HECW2: variants seen among roughly 807,000 people sequenced by gnomAD.
The protein encoded by HECW2 is E3 ubiquitin-protein ligase HECW2.
Under a neutral mutation model 175.2 loss-of-function variants are expected in HECW2, and 61 were observed. The ratio of observed to expected loss-of-function variants is 0.35; its 90% CI spans 0.28 to 0.43. The LOEUF (loss-of-function observed/expected upper bound fraction) is 0.43, where lower values mean the gene tolerates loss of function less well. HECW2 is among the 20% of genes least tolerant of loss of function. HECW2 has a pLI of 1.00. For synonymous variants in HECW2, 671 were observed against 731.0 expected (o/e 0.92, Z 1.32); for missense variants, 1,524 against 2,000.5 (o/e 0.76, Z 4.54).
rs1696579235 is a variant in HECW2, at chr2:196,457,945, C to T, written c.-35-24487G>A. ...AACAAATAATCAAAAGGGATAATAGCCACAATTCTTAAAAGTCACCATACT... is the reference window on the plus strand; with the variant it reads ...AACAAATAATCAAAAGGGATAATAGTCACAATTCTTAAAAGTCACCATACT... On this transcript the variant is annotated intron_variant, in intron 1 of 28. Transcript: ENST00000644978. 2.0e-5 allele frequency among the ~76,000 whole-genome samples: 3 copies of T among 152,020 alleles called. No individual in the cohort carries two copies. The South Asian group carries it at 6.2e-4, about 32-fold the overall frequency.
At chr2:196,216,001 G>A in intron 27 of HECW2, 24 bp from the exon 28 acceptor site, 1 of 1,552,972 alleles carries the variant, frequency 6.4e-7, no homozygotes. Flanking sequence ...AAAACAGAAG[G>A]AGAAGGTGAA....
chr2:196,323,911 T>TG (rs1692046357), intron 6 of HECW2, among the ~76,000 whole-genome samples: 1 of 92,010 alleles, frequency 1.1e-5, no homozygotes, highest in African/African-American at 5.7e-5. Context: ...TTTTTTTGTT[T>TG]TTTGTTTGTT....
At chr2:196,571,113 C>G (rs935242679) in intron 1 of HECW2, among the ~76,000 whole-genome samples, 2 of 152,182 alleles carry the variant, frequency 1.3e-5, no homozygotes, top group Non-Finnish European at 2.9e-5. Flanking sequence ...TACAATACTT[C>G]TTACCCTTAT....
chr2:196,559,668 CTT>C (rs1415726525), intron 1 of HECW2, among the ~76,000 whole-genome samples: 3 of 152,178 alleles, frequency 2.0e-5, no homozygotes, highest in Non-Finnish European at 4.4e-5. Flanking sequence ...TGAATTATAA[CTT>C]CGACAATTTA....
intron 1 of HECW2, among the ~76,000 whole-genome samples, chr2:196,514,895 T>C (rs1010879731): frequency 3.9e-4 from 60 of 152,322 alleles, no homozygotes; most frequent in Middle Eastern, 3.4e-3. Context: ...ACCAGCCAAA[T>C]GGTGGGACTA....
chr2:196,359,959 C>T (rs1354899444), intron 2 of HECW2, among the ~76,000 whole-genome samples: 1 of 152,148 alleles, frequency 6.6e-6, no homozygotes, highest in East Asian at 1.9e-4. Context: ...TTACAATTAG[C>T]TGGGCACGGT....
chr2:196,220,607 T>C (rs1227216554), intron 25 of HECW2, among the ~76,000 whole-genome samples, 188 bp downstream of exon 25: 3 of 152,232 alleles, frequency 2.0e-5, no homozygotes, highest in African/African-American at 7.2e-5. Context: ...TTCAGTGATC[T>C]CTCGTAACAG....
intron 1 of HECW2, among the ~76,000 whole-genome samples, chr2:196,554,142 C>T (rs1167492588): frequency 2.0e-5 from 3 of 151,888 alleles, no homozygotes; most frequent in Non-Finnish European, 4.4e-5. Context: ...ATCGAGACCA[C>T]GGTGAAACCC....
chr2:196,429,012 T>C (rs1237742038), intron 2 of HECW2, among the ~76,000 whole-genome samples: 5 of 152,224 alleles, frequency 3.3e-5, no homozygotes, highest in African/African-American at 4.8e-5. Context: ...GCCTCATGAT[T>C]GCTACATGGA....
At position 196,457,810 on chromosome 2, in the gene HECW2, G is replaced by A. The variant is rs143320981; in HGVS notation, c.-35-24352C>T. Among the ~76,000 whole-genome samples, 418 of 143,124 alleles carry A rather than the reference G, an allele frequency of 2.9e-3. 4 individuals are homozygous for A. The highest frequency in any genetic ancestry group is 7.3e-3 in the Middle Eastern group (2 of 274). 93.9% of individuals were successfully genotyped at this position (143,124 alleles called of 152,430 possible). Reference sequence around the variant, plus strand: ...TTTTTCTCAGAGCATACTCATACCCGCTACTACACAAAACCTGAAAAGCAT... The same window carrying A: ...TTTTTCTCAGAGCATACTCATACCCACTACTACACAAAACCTGAAAAGCAT... On this transcript the variant is annotated intron_variant, in intron 1 of 28. Transcript: ENST00000644978.
chr2:196,495,809 G>C (rs1687373970), intron 1 of HECW2, among the ~76,000 whole-genome samples: 1 of 152,190 alleles, frequency 6.6e-6, no homozygotes, highest in South Asian at 2.1e-4. Flanking sequence ...GGCACAGGCA[G>C]CTGGCATCAT....
intron 1 of HECW2, among the ~76,000 whole-genome samples, chr2:196,529,952 T>G (rs1688787515): frequency 6.6e-6 from 1 of 152,256 alleles, no homozygotes; most frequent in Non-Finnish European, 1.5e-5. Context: ...TTTATTTGGC[T>G]CTAACAATGT....
intron 1 of HECW2, 118 bp from the exon 2 acceptor site, chr2:196,433,576 T>C: frequency 2.7e-6 from 2 of 732,136 alleles, no homozygotes. Flanking sequence ...AATAATCTTC[T>C]GTTGTCAAAA....
chr2:196,274,617 G>GTGTATTATCTCCTCAGTGTATTA (rs1365326356), intron 15 of HECW2, among the ~76,000 whole-genome samples: 1 of 152,192 alleles, frequency 6.6e-6, no homozygotes, highest in Non-Finnish European at 1.5e-5. Context: ...TTCATGTGGG[G>GTGTATTATCTCCTCAGTGTATTA]TTTCGAGTTA....
chr2:196,399,856 T>C (rs1198304612), intron 2 of HECW2, among the ~76,000 whole-genome samples: 3 of 152,204 alleles, frequency 2.0e-5, no homozygotes, highest in African/African-American at 7.2e-5. Flanking sequence ...CTGTGTCTAC[T>C]GACATTTCCT....
chr2:196,234,083 T>C (rs972665108), intron 21 of HECW2, among the ~76,000 whole-genome samples: 4 of 152,210 alleles, frequency 2.6e-5, no homozygotes, highest in African/African-American at 7.2e-5. Context: ...TGATGTCATA[T>C]TGATGGCACC....
At chr2:196,248,603 C>A (rs11683742) in intron 19 of HECW2, among the ~76,000 whole-genome samples, 23 of 98,436 alleles carry the variant, frequency 2.3e-4, no homozygotes, top group East Asian at 1.3e-3. Flanking sequence ...GACAGACACA[C>A]ACACACACAC....
At chr2:196,217,547 A>T (rs1364110935) in intron 26 of HECW2, 1 of 153,308 alleles carries the variant, frequency 6.5e-6, no homozygotes, top group East Asian at 1.9e-4. Flanking sequence ...AGACACATTA[A>T]TCAAATAATT....
intron 15 of HECW2, among the ~76,000 whole-genome samples, chr2:196,275,694 G>A (rs960369894): frequency 3.3e-5 from 5 of 151,804 alleles, no homozygotes; most frequent in African/African-American, 1.2e-4. Flanking sequence ...GGTGGTTGCA[G>A]TGAGCAAAGA....
Sources: gnomAD v4.1 joint callset for allele counts (sites outside exome capture counted in the v4.1 genomes callset) on GRCh38, gnomAD v4.1.1 for gene constraint, MANE v1.5 for transcripts, NCBI Gene and HGNC (gene_info 2026-07-23, HGNC 2026-07-21) for gene names.